The following AMBP variants were observed in gnomAD, a reference collection of about 807,000 sequenced individuals.
AMBP encodes the protein alpha-1-microglobulin/bikunin precursor.
A neutral mutation model predicts 46.3 loss-of-function variants in AMBP; 37 were observed. The observed-to-expected ratio is 0.80, with a 90% CI of 0.61 to 1.05. The LOEUF (loss-of-function observed/expected upper bound fraction) is 1.05, where lower values mean the gene tolerates loss of function less well. Among genes scored for constraint, AMBP ranks in the 50% least tolerant of loss-of-function variants. The pLI, the probability that AMBP is intolerant of heterozygous loss-of-function variation, is 0.00. For missense variants in AMBP, 475 were observed against 461.2 expected (o/e 1.03, Z -0.27); for synonymous variants, 174 against 175.9 (o/e 0.99, Z 0.09).
At chr9:114,064,832 C>G (rs1222673788) in intron 6 of AMBP, among the ~76,000 whole-genome samples, 1 of 152,210 alleles carries the variant, frequency 6.6e-6, no homozygotes, top group African/African-American at 2.4e-5. Context: ...CCTGCAACCT[C>G]CAGGCCTGGT....
At chr9:114,070,668 G>A (rs576353887) in intron 5 of AMBP, among the ~76,000 whole-genome samples, 61 of 151,840 alleles carry the variant, frequency 4.0e-4, no homozygotes, top group Middle Eastern at 3.4e-3. Flanking sequence ...GAGCTGGGGC[G>A]TAGCCTTGGG....
At chr9:114,073,503 T>G (rs1032238121) in intron 4 of AMBP, among the ~76,000 whole-genome samples, 6 of 149,700 alleles carry the variant, frequency 4.0e-5, no homozygotes, top group East Asian at 2.0e-4. Flanking sequence ...GTTTTTTTTT[T>G]TTTTTTTTTT....
intron 7 of AMBP, among the ~76,000 whole-genome samples, chr9:114,062,270 A>G (rs1455319895): frequency 1.3e-5 from 2 of 152,090 alleles, no homozygotes; most frequent in African/African-American, 4.8e-5. Context: ...CGAGTTGGAG[A>G]GGAAGTTGTT....
At chr9:114,061,355 GC>G in intron 8 of AMBP, 68 bp downstream of exon 8, 1 of 1,602,188 alleles carries the variant, frequency 6.2e-7, no homozygotes, top group Non-Finnish European at 8.5e-7. Context: ...TTTTCAATTC[GC>G]AGGTGGTTTA....
At position 114,076,552 on chromosome 9, in the gene AMBP, G is replaced by T. The variant is rs753458942; in HGVS notation, c.260+46C>A. 1.3e-5 allele frequency: 21 copies of T among 1,600,938 alleles called. No homozygotes were observed. The African/African-American group carries it at 2.3e-4, about 17-fold the overall frequency. On this transcript the variant is annotated intron_variant, in intron 2 of 9. Coordinates refer to ENST00000265132, the MANE Select transcript of AMBP (RefSeq NM_001633.4). ...GATGGACGGGGCTGGGAAGGTTGTG[G>T]GTCTCTGGGTCTCTCTCAGCTTTCC...
At position 114,074,540 on chromosome 9, in the gene AMBP, T is replaced by C. The variant is rs149848607; in HGVS notation, c.338-388A>G. On this transcript the variant is annotated intron_variant, in intron 3 of 9. Coordinates refer to ENST00000265132, the MANE Select transcript of AMBP (RefSeq NM_001633.4). The stretch of plus-strand genomic sequence containing the variant: ...ATCTATCTAGCCAAACATTCATATA[T>C]TCAGCCGTAACACAATTGTTTGGCA... 4.2e-3 allele frequency among the ~76,000 whole-genome samples: 646 copies of C among 152,350 alleles called. 7 individuals carry two copies. The highest frequency in any genetic ancestry group is 0.014 in the African/African-American group (585 of 41,570).
chr9:114,061,202 C>T, intron 8 of AMBP, 104 bp from the exon 9 acceptor site: 1 of 1,454,892 alleles, frequency 6.9e-7, no homozygotes, highest in Non-Finnish European at 9.3e-7. Context: ...TAGAACACCT[C>T]ATCCCTCGTT....
At chr9:114,065,617 G>T (rs375482383) in intron 6 of AMBP, among the ~76,000 whole-genome samples, 3 of 151,918 alleles carry the variant, frequency 2.0e-5, no homozygotes, top group East Asian at 3.9e-4. Context: ...TGTGCACCTC[G>T]GGGCAGTTCA....
At chr9:114,062,992 C>A (rs1490339169) in intron 6 of AMBP, among the ~76,000 whole-genome samples, 1 of 152,072 alleles carries the variant, frequency 6.6e-6, no homozygotes, top group East Asian at 1.9e-4. Context: ...TGAGGTATGA[C>A]AATAGCCCCA....
intron 6 of AMBP, among the ~76,000 whole-genome samples, chr9:114,069,009 T>A (rs930206834): frequency 5.9e-5 from 9 of 151,740 alleles, no homozygotes; most frequent in African/African-American, 2.2e-4. Flanking sequence ...GGTTTATAGT[T>A]TCGCAATTTT....
chr9:114,073,102 A>G, intron 4 of AMBP, 76 bp from the exon 5 acceptor site: 2 of 1,355,604 alleles, frequency 1.5e-6, no homozygotes, highest in East Asian at 2.5e-5. Context: ...GATTTTGCCC[A>G]GTGATTTTCA....
intron 5 of AMBP, among the ~76,000 whole-genome samples, chr9:114,071,477 C>T (rs368019919): frequency 1.1e-3 from 172 of 152,352 alleles, no homozygotes; most frequent in African/African-American, 3.8e-3. Context: ...GGCCTGCAGG[C>T]GCCCCTTGGC....
At chr9:114,070,362 C>T (rs1846731977) in intron 5 of AMBP, among the ~76,000 whole-genome samples, 1 of 152,128 alleles carries the variant, frequency 6.6e-6, no homozygotes. Flanking sequence ...CTTATGCAGC[C>T]AGGTAGACCC....
chr9:114,073,963 C>G (rs1244807483), intron 4 of AMBP, 73 bp downstream of exon 4: 11 of 1,413,570 alleles, frequency 7.8e-6, no homozygotes, highest in Non-Finnish European at 1.0e-5. Context: ...CTGTGCTTAC[C>G]CACTCCACTG....
rs112109765 is a variant in AMBP, at chr9:114,061,494, G to A, written c.783C>T (p.Tyr261=). 0.013 allele frequency: 21,249 copies of A among 1,614,076 alleles called. 363 individuals carry two copies. Among genetic ancestry groups the A allele is most frequent in the African/African-American group, 0.08 (5,990 of 75,000 alleles). The change falls in exon 8 of 10, where the codon TAC becomes TAT. Residue 261 remains tyrosine (Y), a synonymous_variant. Transcript: ENST00000265132. ...GTSMACETFQ[Y]GGCMGNGNNF... ...TGTTACCGTTGCCCATGCAGCCGCC[G>A]TACTGGAAAGTCTCACAGGCCATGG...
chr9:114,065,216 G>T (rs1415469358), intron 6 of AMBP, among the ~76,000 whole-genome samples: 1 of 152,190 alleles, frequency 6.6e-6, no homozygotes, highest in Non-Finnish European at 1.5e-5. Flanking sequence ...CTCAGAATGT[G>T]ACCTTATTTG....
At chr9:114,062,574 C>G in intron 7 of AMBP, 103 bp downstream of exon 7, 1 of 1,169,404 alleles carries the variant, frequency 8.6e-7, no homozygotes, top group Non-Finnish European at 1.3e-6. Flanking sequence ...GAGTCTCTAA[C>G]AGATAAAGAG....
Position 114,076,607 on chromosome 9 carries a change from G to C in AMBP, c.251C>G (p.Thr84Ser). 2 of 1,613,750 alleles carry C rather than the reference G, an allele frequency of 1.2e-6. No homozygotes were observed. Among genetic ancestry groups the C allele is most frequent in the Non-Finnish European group, 1.7e-6 (2 of 1,179,950 alleles). Residue 84 changes from threonine (T) to serine (S), a missense_variant, in exon 2 of 10, where the codon ACT becomes AGT. Coordinates refer to ENST00000265132, the MANE Select transcript of AMBP (RefSeq NM_001633.4). The stretch of plus-strand genomic sequence containing the variant: ...CCACCCTAGTGCTCACCGCCAACGA[G>C]TGCTGGTCATGCTGATCTCCGCCTC... ...ATEAEISMTS[T>S]RWRKGVCEET... is the part of the protein sequence containing the mutation.
At chr9:114,071,425 G>T in intron 5 of AMBP, among the ~76,000 whole-genome samples, 1 of 152,282 alleles carries the variant, frequency 6.6e-6, no homozygotes, top group Admixed American at 6.5e-5. Context: ...GCCAACAAGC[G>T]TGGAAGGGAG....
Sources: gnomAD v4.1 joint callset for allele counts (sites outside exome capture counted in the v4.1 genomes callset) on GRCh38, gnomAD v4.1.1 for gene constraint, MANE v1.5 for transcripts, NCBI Gene and HGNC (gene_info 2026-07-23, HGNC 2026-07-21) for gene names.